Variants in SMYD3 observed in about 807,000 individuals in gnomAD.
SMYD3 encodes histone-lysine N-methyltransferase SMYD3.
Under a neutral mutation model 57.7 loss-of-function variants are expected in SMYD3, and 36 were observed. That is an observed-to-expected ratio of 0.62 (90% CI 0.48 to 0.82). The LOEUF is 0.82. SMYD3 is among the 40% of genes least tolerant of loss of function. The probability of loss-of-function intolerance (pLI) is 0.00; values close to 1 mark genes in which losing one functional copy is unlikely to be tolerated. For missense variants in SMYD3, 515 were observed against 538.8 expected (o/e 0.96, Z 0.44); for synonymous variants, 211 against 195.0 (o/e 1.08, Z -0.68).
chr1:246,334,955 G>A lies in SMYD3; in HGVS notation c.336+412C>T, dbSNP rs141929131. On this transcript the variant is annotated intron_variant, in intron 3 of 11. Coordinates refer to ENST00000490107, the MANE Select transcript of SMYD3 (RefSeq NM_001167740.2). The stretch of plus-strand genomic sequence containing the variant: ...TGCGAAAGGAAGAGGCAATCAATGC[G>A]GCAAATTCGACTGTTGTCTTATTTT... 1.7e-3 allele frequency among the ~76,000 whole-genome samples: 258 copies of A among 152,150 alleles called. 1 individual carries two copies. The highest frequency in any genetic ancestry group is 5.7e-3 in the African/African-American group (238 of 41,520).
intron 5 of SMYD3, among the ~76,000 whole-genome samples, chr1:246,122,233 G>A (rs2061435528): frequency 6.6e-6 from 1 of 150,564 alleles, no homozygotes. Flanking sequence ...AACATGGCAA[G>A]ATCCCATCTC....
At chr1:245,815,700 G>C (rs1455768860) in intron 10 of SMYD3, among the ~76,000 whole-genome samples, 2 of 152,214 alleles carry the variant, frequency 1.3e-5, no homozygotes, top group East Asian at 3.8e-4. Context: ...CAGAGACAAA[G>C]GATATGTCTT....
intron 5 of SMYD3, among the ~76,000 whole-genome samples, chr1:246,043,760 C>A (rs530997890): frequency 6.6e-6 from 1 of 152,324 alleles, no homozygotes; most frequent in African/African-American, 2.4e-5. Flanking sequence ...AAGTAATTGT[C>A]TGAGGAGGTA....
intron 5 of SMYD3, among the ~76,000 whole-genome samples, chr1:246,159,217 A>T (rs1287897085): frequency 1.3e-5 from 2 of 152,162 alleles, no homozygotes; most frequent in African/African-American, 4.8e-5. Flanking sequence ...AAATAAAATG[A>T]TTTACCCACA....
chr1:246,147,481 A>C (rs2061868857), intron 5 of SMYD3, among the ~76,000 whole-genome samples: 1 of 152,200 alleles, frequency 6.6e-6, no homozygotes, highest in Non-Finnish European at 1.5e-5. Flanking sequence ...CTGCTGCTGC[A>C]ACAGGGAGGC....
intron 1 of SMYD3, among the ~76,000 whole-genome samples, chr1:246,492,771 A>G (rs1285362970): frequency 6.6e-6 from 1 of 152,212 alleles, no homozygotes; most frequent in Admixed American, 6.5e-5. Flanking sequence ...GTTTCTAAAT[A>G]TAGAGGTGGA....
intron 5 of SMYD3, among the ~76,000 whole-genome samples, chr1:245,982,520 A>G (rs765690167): frequency 6.6e-6 from 1 of 152,214 alleles, no homozygotes; most frequent in Non-Finnish European, 1.5e-5. Context: ...TTGATCTAAT[A>G]TAATAGTAAA....
chr1:245,928,104 G>A (rs1410644740), intron 6 of SMYD3, 71 bp from the exon 7 acceptor site: 13 of 1,248,280 alleles, frequency 1.0e-5, no homozygotes, highest in Non-Finnish European at 1.5e-5. Flanking sequence ...CAAATGCAGT[G>A]GGTAAAATAC....
chr1:245,860,346 C>T (rs909506573), intron 9 of SMYD3, among the ~76,000 whole-genome samples: 5 of 152,190 alleles, frequency 3.3e-5, no homozygotes, highest in Admixed American at 2.0e-4. Flanking sequence ...CCTTCCTCTT[C>T]GAATGTCCAT....
chr1:246,350,644 G>C (rs2065807486), intron 2 of SMYD3, among the ~76,000 whole-genome samples: 1 of 122,404 alleles, frequency 8.2e-6, no homozygotes, highest in South Asian at 3.2e-4. Context: ...TGGGTCTGGG[G>C]GAAGATAATG....
At chr1:246,411,272 G>T (rs920057655) in intron 1 of SMYD3, among the ~76,000 whole-genome samples, 2 of 152,132 alleles carry the variant, frequency 1.3e-5, no homozygotes, top group African/African-American at 2.4e-5. Flanking sequence ...AAACCACAAT[G>T]AGATACCATC....
intron 1 of SMYD3, among the ~76,000 whole-genome samples, chr1:246,460,668 T>C (rs2067784817): frequency 6.6e-6 from 1 of 152,200 alleles, no homozygotes; most frequent in South Asian, 2.1e-4. Flanking sequence ...GAAAATCCTT[T>C]AGTGTTTTAA....
intron 3 of SMYD3, among the ~76,000 whole-genome samples, chr1:246,330,913 T>C (rs748479236): frequency 4.6e-5 from 7 of 152,252 alleles, no homozygotes; most frequent in Non-Finnish European, 1.0e-4. Flanking sequence ...GGCAGGCAGA[T>C]TGCTTTAGCC....
chr1:245,934,595 A>G (rs1278633058), intron 5 of SMYD3, among the ~76,000 whole-genome samples: 3 of 152,088 alleles, frequency 2.0e-5, no homozygotes, highest in Non-Finnish European at 4.4e-5. Flanking sequence ...AGGGTTTGAA[A>G]TCTCCAAACC....
Position 246,051,477 on chromosome 1 carries a change from C to T in SMYD3, c.532-121540G>A, listed in dbSNP as rs139436836. Among the ~76,000 whole-genome samples, 65 of 152,102 alleles carry T rather than the reference C, an allele frequency of 4.3e-4. No individual in the cohort carries two copies. In the East Asian group the frequency reaches 0.012, roughly 28 times the overall value. ...AGGGAGTAACACAGAAGTTGGTCCT[C>T]ATATCTAAAACAGAGTAAAAATACT... On this transcript the variant is annotated intron_variant, in intron 5 of 11. Transcript: ENST00000490107.
At chr1:246,027,365 T>C (rs1298097856) in intron 5 of SMYD3, among the ~76,000 whole-genome samples, 1 of 152,184 alleles carries the variant, frequency 6.6e-6, no homozygotes, top group African/African-American at 2.4e-5. Flanking sequence ...ATCTAAGACT[T>C]CCATAACTAG....
At chr1:245,767,966 A>G (rs1368182565) in intron 10 of SMYD3, among the ~76,000 whole-genome samples, 1 of 152,248 alleles carries the variant, frequency 6.6e-6, no homozygotes, top group African/African-American at 2.4e-5. Flanking sequence ...AGCAATATCA[A>G]CAGAAAAGAA....
At chr1:246,384,498 C>A (rs746002280) in intron 1 of SMYD3, among the ~76,000 whole-genome samples, 1 of 152,004 alleles carries the variant, frequency 6.6e-6, no homozygotes, top group Non-Finnish European at 1.5e-5. Context: ...CGGATTCAAG[C>A]AATTCTCCTG....
intron 5 of SMYD3, among the ~76,000 whole-genome samples, chr1:246,199,218 T>C (rs1011733737): frequency 6.6e-6 from 1 of 152,168 alleles, no homozygotes; most frequent in Admixed American, 6.5e-5. Context: ...CTATACCTAA[T>C]ACAAAATTCA....
Sources: allele counts gnomAD v4.1 joint callset (sites outside exome capture counted in the v4.1 genomes callset), GRCh38; gene constraint gnomAD v4.1.1; transcripts MANE v1.5; gene names NCBI Gene and HGNC (gene_info 2026-07-23, HGNC 2026-07-21).